Variants in DNAAF9 observed in about 807,000 individuals in gnomAD.
DNAAF9 encodes the protein shulin.
In DNAAF9, 90 loss-of-function variants were observed where a neutral mutation model predicts 167.0. The observed-to-expected ratio is 0.54, with a 90% CI of 0.45 to 0.64. The LOEUF is 0.64. Ranked by LOEUF, DNAAF9 falls within the 30% of genes least tolerant of loss-of-function variation. DNAAF9 has a pLI of 0.00. For synonymous variants in DNAAF9, 491 were observed against 508.8 expected (o/e 0.96, Z 0.47); for missense variants, 1,315 against 1,442.2 (o/e 0.91, Z 1.43).
chr20:3,294,836 T>C (rs915709993), intron 23 of DNAAF9, among the ~76,000 whole-genome samples: 1 of 151,974 alleles, frequency 6.6e-6, no homozygotes, highest in Non-Finnish European at 1.5e-5. Context: ...CCCTTGATAA[T>C]ACCATGAGTT....
intron 7 of DNAAF9, among the ~76,000 whole-genome samples, chr20:3,354,836 C>T (rs928969989): frequency 6.6e-6 from 1 of 152,192 alleles, no homozygotes; most frequent in Non-Finnish European, 1.5e-5. Context: ...GCTTCCTTCT[C>T]CTTCCCATCA....
chr20:3,323,274 C>CTTTTTTTTTTT (rs71195835), intron 14 of DNAAF9, among the ~76,000 whole-genome samples: 2 of 69,084 alleles, frequency 2.9e-5, no homozygotes, highest in Non-Finnish European at 5.0e-5. Context: ...GTGAAGTAAT[C>CTTTTTTTTTTT]TTTTTTTTTT....
chr20:3,317,512 A>C (rs892292355), intron 17 of DNAAF9, among the ~76,000 whole-genome samples: 1 of 152,196 alleles, frequency 6.6e-6, no homozygotes, highest in African/African-American at 2.4e-5. Context: ...ACCATTCTTT[A>C]GAATATTTTC....
Position 3,315,171 on chromosome 20 carries a change from TA to T in DNAAF9, c.1591-52del. The T allele has an allele frequency of 9.3e-7, 1 of 1,069,542 alleles. No homozygotes were observed. The highest frequency in any genetic ancestry group is 1.5e-6 in the Non-Finnish European group (1 of 685,730). The allele number at this position is 1,069,542 out of a possible 1,614,324, so 66.3% of individuals were successfully genotyped here. On this transcript the variant is annotated intron_variant, in intron 19 of 36. Coordinates refer to ENST00000252032, the MANE Select transcript of DNAAF9 (RefSeq NM_001009984.3). This position sits in a 1 kb window ranked among gnomAD's most constrained non-coding sequence, Gnocchi z 4.1. ...AATCCAAAAAAGAATAGGTGATTTA[TA>T]GCATAAATATTCACAGAATCAAAAG... is the stretch of plus-strand genomic sequence containing the variant.
chr20:3,296,544 A>AT (rs1600728132), intron 23 of DNAAF9: 2 of 320,688 alleles, frequency 6.2e-6, no homozygotes, highest in East Asian at 1.3e-4. Flanking sequence ...TACCCAGCTA[A>AT]TTTTTTATTT....
At chr20:3,275,422 C>T (rs769853004) in intron 29 of DNAAF9, among the ~76,000 whole-genome samples, 6 of 152,176 alleles carry the variant, frequency 3.9e-5, no homozygotes, top group Admixed American at 6.5e-5. Context: ...CAGGCCTGGC[C>T]TGCCCAAGAA....
intron 1 of DNAAF9, among the ~76,000 whole-genome samples, chr20:3,385,628 T>C (rs934484699): frequency 6.6e-6 from 1 of 152,148 alleles, no homozygotes. Context: ...GGGTCTCACT[T>C]TGTTGCCTCC....
intron 26 of DNAAF9, among the ~76,000 whole-genome samples, chr20:3,289,692 G>A (rs1055152053): frequency 6.6e-6 from 1 of 151,868 alleles, no homozygotes; most frequent in African/African-American, 2.4e-5. Context: ...GCTAATTTTT[G>A]TATTTTTGTA....
At chr20:3,401,600 T>C (rs1600935452) in intron 1 of DNAAF9, among the ~76,000 whole-genome samples, 1 of 94 alleles carries the variant, frequency 0.011, no homozygotes, top group Non-Finnish European at 0.024. Context: ...GTAATTATTA[T>C]CTTTCATTCA....
intron 27 of DNAAF9, among the ~76,000 whole-genome samples, chr20:3,286,880 C>A (rs567445744): frequency 2.6e-5 from 4 of 152,200 alleles, no homozygotes; most frequent in Non-Finnish European, 5.9e-5. Flanking sequence ...TTACCACCAA[C>A]CATAACAACA....
At chr20:3,405,061 A>G (rs1311633411) in intron 1 of DNAAF9, among the ~76,000 whole-genome samples, 1 of 152,226 alleles carries the variant, frequency 6.6e-6, no homozygotes. Context: ...GAAAGGCTAC[A>G]CAGTATTCCC....
At chr20:3,349,100 C>G (rs968350654) in intron 7 of DNAAF9, among the ~76,000 whole-genome samples, 1 of 147,816 alleles carries the variant, frequency 6.8e-6, no homozygotes, top group Non-Finnish European at 1.5e-5. Context: ...ACATCTGTAA[C>G]TCCGGAACTT....
chr20:3,264,462 G>T lies in DNAAF9; in HGVS notation c.2849C>A (p.Ser950Tyr), dbSNP rs778428145. The T allele has an allele frequency of 6.5e-7, 1 of 1,534,094 alleles. No individual in the cohort carries two copies. The highest frequency in any genetic ancestry group is 9.0e-7 in the Non-Finnish European group (1 of 1,107,358). Residue 950 changes from serine (S) to tyrosine (Y), a missense_variant, in exon 31 of 37, where the codon TCT becomes TAT. By Grantham distance (144) the Ser-to-Tyr change is moderately radical (BLOSUM62 -2). Around this residue, in one of 2 missense-constraint regions of DNAAF9, gnomAD observed 334 missense variants for 429.7 expected, o/e 0.78. Coordinates refer to ENST00000252032, the MANE Select transcript of DNAAF9 (RefSeq NM_001009984.3). ...CCAGCCAGGATACATTAAATATCGA[G>T]ATCGTAGCATCTCAGGACTTGAAAA... ...NSFSSPEMLR[S>Y]RYLMYPGWYE...
chr20:3,397,247 CA>C (rs563829447), intron 1 of DNAAF9, among the ~76,000 whole-genome samples: 27,415 of 119,844 alleles, frequency 0.23, 2,642 homozygotes, highest in African/African-American at 0.28. Flanking sequence ...GACCCCGTAT[CA>C]AAAAAAAAAA....
At chr20:3,363,404 C>T (rs1187030372) in intron 6 of DNAAF9, among the ~76,000 whole-genome samples, 3 of 149,812 alleles carry the variant, frequency 2.0e-5, no homozygotes, top group African/African-American at 7.4e-5. Flanking sequence ...GCAGAGGTTG[C>T]GGTGAGCCGA....
chr20:3,253,923 G>C (rs2068234782), intron 35 of DNAAF9, 104 bp from the exon 36 acceptor site: 2 of 702,004 alleles, frequency 2.8e-6, no homozygotes, highest in Non-Finnish European at 5.0e-6. Context: ...AGACTACTCT[G>C]CTATACAGAG....
chr20:3,322,566 G>GA, intron 15 of DNAAF9, 86 bp downstream of exon 15: 2 of 1,084,674 alleles, frequency 1.8e-6, no homozygotes, highest in Non-Finnish European at 2.9e-6. Context: ...GGAAGCATGA[G>GA]AAAACCACTC....
chr20:3,255,952 C>A, intron 34 of DNAAF9, 54 bp downstream of exon 34: 1 of 1,396,886 alleles, frequency 7.2e-7, no homozygotes, highest in Non-Finnish European at 1.0e-6. Context: ...CCAACAGCAG[C>A]TCTGAGGTGT....
chr20:3,352,210 C>T (rs916364289), intron 7 of DNAAF9, among the ~76,000 whole-genome samples: 5 of 152,196 alleles, frequency 3.3e-5, no homozygotes, highest in African/African-American at 1.2e-4. Context: ...TAGAAATGCG[C>T]ATGTACTTGT....
Sources: allele counts gnomAD v4.1 joint callset (sites outside exome capture counted in the v4.1 genomes callset), GRCh38; gene constraint gnomAD v4.1.1; regional missense constraint gnomAD v4.1.1; non-coding constraint Gnocchi (gnomAD v3.1); transcripts MANE v1.5; gene names NCBI Gene and HGNC (gene_info 2026-07-23, HGNC 2026-07-21).